PCSK2: variants seen among roughly 807,000 people sequenced by gnomAD.
PCSK2 encodes proprotein convertase subtilisin/kexin type 2.
A neutral mutation model predicts 69.7 loss-of-function variants in PCSK2; 14 were observed. That is an observed-to-expected ratio of 0.20 (90% CI 0.13 to 0.31). PCSK2 has a LOEUF of 0.31. Among genes scored for constraint, PCSK2 ranks in the 10% least tolerant of loss-of-function variants. The pLI, the probability that PCSK2 is intolerant of heterozygous loss-of-function variation, is 1.00. For missense variants in PCSK2, 544 were observed against 842.5 expected (o/e 0.65, Z 4.39); for synonymous variants, 307 against 320.7 (o/e 0.96, Z 0.46).
chr20:17,480,363 G>T (rs925192903), intron 11 of PCSK2, among the ~76,000 whole-genome samples: 3 of 151,270 alleles, frequency 2.0e-5, no homozygotes, highest in African/African-American at 4.9e-5. Flanking sequence ...CTAATTTTTC[G>T]TATTTTTAGT....
At chr20:17,343,833 C>T (rs1461429767) in intron 2 of PCSK2, among the ~76,000 whole-genome samples, 1 of 152,156 alleles carries the variant, frequency 6.6e-6, no homozygotes, top group Non-Finnish European at 1.5e-5. Context: ...CCTCCAGAAG[C>T]TGGAAAAGGC....
chr20:17,346,033 CA>C (rs1277112435), intron 2 of PCSK2, among the ~76,000 whole-genome samples: 1 of 152,184 alleles, frequency 6.6e-6, no homozygotes, highest in Non-Finnish European at 1.5e-5. Flanking sequence ...CAGTCAGATC[CA>C]CCTGTGCCTT....
chr20:17,365,797 A>G (rs377442701), intron 4 of PCSK2, among the ~76,000 whole-genome samples: 18 of 152,356 alleles, frequency 1.2e-4, no homozygotes, highest in South Asian at 6.2e-4. Flanking sequence ...ACAAATTCTG[A>G]GGCTTGAGAG....
chr20:17,228,766 C>T (rs1240078063), intron 1 of PCSK2, among the ~76,000 whole-genome samples: 2 of 152,216 alleles, frequency 1.3e-5, no homozygotes, highest in African/African-American at 4.8e-5. Flanking sequence ...TCTCCCTCCT[C>T]CTAAGGGCGT....
intron 1 of PCSK2, among the ~76,000 whole-genome samples, chr20:17,234,416 G>T: frequency 6.6e-6 from 1 of 152,140 alleles, no homozygotes; most frequent in East Asian, 1.9e-4. Flanking sequence ...GGTTGAAGGT[G>T]CTGGAAAAAC....
intron 1 of PCSK2, among the ~76,000 whole-genome samples, chr20:17,255,795 A>T (rs548571701): frequency 2.6e-5 from 4 of 152,194 alleles, no homozygotes; most frequent in African/African-American, 7.2e-5. Flanking sequence ...ACAACTTTGC[A>T]TTCCTGGGGT....
At chr20:17,314,640 A>G (rs1000124202) in intron 2 of PCSK2, among the ~76,000 whole-genome samples, 3 of 152,224 alleles carry the variant, frequency 2.0e-5, no homozygotes, top group Non-Finnish European at 4.4e-5. Flanking sequence ...CTACACATTA[A>G]GCCAGATGAA....
chr20:17,358,721 T>C (rs2030291320), intron 3 of PCSK2, among the ~76,000 whole-genome samples: 1 of 152,244 alleles, frequency 6.6e-6, no homozygotes, highest in African/African-American at 2.4e-5. Context: ...CACCAGTGTA[T>C]GACTGAAGAT....
At chr20:17,472,848 T>C (rs551671565) in intron 11 of PCSK2, among the ~76,000 whole-genome samples, 27 of 152,310 alleles carry the variant, frequency 1.8e-4, no homozygotes, top group African/African-American at 6.3e-4. Context: ...ATTACAGGCA[T>C]GAGCCACCAC....
At chr20:17,316,990 T>A (rs964867114) in intron 2 of PCSK2, among the ~76,000 whole-genome samples, 1 of 152,236 alleles carries the variant, frequency 6.6e-6, no homozygotes, top group East Asian at 1.9e-4. Flanking sequence ...GGGAACATGT[T>A]CTAAAGTCCA....
intron 6 of PCSK2, among the ~76,000 whole-genome samples, chr20:17,424,991 G>T (rs2032215396): frequency 1.3e-5 from 2 of 150,576 alleles, no homozygotes; most frequent in African/African-American, 2.5e-5. Context: ...TTCCAGGCTG[G>T]TCTTGAACTC....
At chr20:17,234,731 A>G (rs894752721) in intron 1 of PCSK2, among the ~76,000 whole-genome samples, 6 of 152,198 alleles carry the variant, frequency 3.9e-5, no homozygotes, top group African/African-American at 1.4e-4. Flanking sequence ...TTAGCTATAG[A>G]TCATAACGTC....
At chr20:17,421,752 A>G (rs2032130905) in intron 6 of PCSK2, among the ~76,000 whole-genome samples, 1 of 148,858 alleles carries the variant, frequency 6.7e-6, no homozygotes, top group African/African-American at 2.5e-5. Context: ...CAGAAACAGA[A>G]CTAAGGAGTC....
rs1987667466 is a variant in PCSK2 at position 17,267,547 on chromosome 20, T to C, written c.282+7203T>C. Among the ~76,000 whole-genome samples, 3 of 152,228 alleles carry C rather than the reference T, an allele frequency of 2.0e-5. No individual in the cohort carries two copies. In the South Asian group the frequency reaches 6.2e-4, roughly 31 times the overall value. On this transcript the variant is annotated intron_variant, in intron 2 of 11. Transcript: ENST00000262545. ...CTGGCTTCCCAACTCAAAGAGCTGC[T>C]GCTGGTGCTATAATTAACTATTTGT...
chr20:17,335,491 G>C (rs1167544630), intron 2 of PCSK2, among the ~76,000 whole-genome samples: 1 of 139,780 alleles, frequency 7.2e-6, no homozygotes, highest in African/African-American at 2.7e-5. Flanking sequence ...TTGTTTGCTT[G>C]TGGGCTCTTT....
intron 5 of PCSK2, among the ~76,000 whole-genome samples, chr20:17,386,739 C>G (rs1361267969): frequency 6.6e-6 from 1 of 152,150 alleles, no homozygotes; most frequent in Non-Finnish European, 1.5e-5. Flanking sequence ...CATTACTGAA[C>G]TGTACACTTA....
chr20:17,450,447 G>T (rs1429714776), intron 8 of PCSK2, among the ~76,000 whole-genome samples: 2 of 152,310 alleles, frequency 1.3e-5, no homozygotes, highest in East Asian at 1.9e-4. Context: ...TGTAGTAAGT[G>T]CTATGGAAAT....
chr20:17,345,510 G>A (rs1283650011), intron 2 of PCSK2, among the ~76,000 whole-genome samples: 3 of 152,190 alleles, frequency 2.0e-5, no homozygotes, highest in Non-Finnish European at 4.4e-5. Flanking sequence ...CTCTACGGCT[G>A]CAGTGTGAAA....
chr20:17,352,971 A>G (rs376010416), intron 2 of PCSK2, among the ~76,000 whole-genome samples: 4 of 152,352 alleles, frequency 2.6e-5, no homozygotes, highest in African/African-American at 9.6e-5. Flanking sequence ...CCTAGAATCT[A>G]TAAGAAACTT....
Sources: gnomAD v4.1 joint callset for allele counts (sites outside exome capture counted in the v4.1 genomes callset) on GRCh38, gnomAD v4.1.1 for gene constraint, MANE v1.5 for transcripts, NCBI Gene and HGNC (gene_info 2026-07-23, HGNC 2026-07-21) for gene names.